Variants in SV2C observed in about 807,000 individuals in gnomAD.
SV2C encodes solute carrier family 22 member B3.
Under a neutral mutation model 79.7 loss-of-function variants are expected in SV2C, and 49 were observed. The observed-to-expected ratio is 0.61, with a 90% CI of 0.49 to 0.78. SV2C has a LOEUF of 0.78. SV2C is among the 30% of genes least tolerant of loss of function. SV2C has a pLI of 0.00. For missense variants in SV2C, 833 were observed against 912.9 expected (o/e 0.91, Z 1.13); for synonymous variants, 334 against 333.2 (o/e 1.00, Z -0.03).
chr5:76,213,983 G>A (rs558212640), intron 4 of SV2C, among the ~76,000 whole-genome samples: 1 of 152,152 alleles, frequency 6.6e-6, no homozygotes, highest in Admixed American at 6.5e-5. Context: ...TTTCATGTCT[G>A]GCCTATTTCA....
intron 12 of SV2C, among the ~76,000 whole-genome samples, chr5:76,312,530 G>T (rs1264409911): frequency 6.6e-6 from 1 of 152,208 alleles, no homozygotes; most frequent in African/African-American, 2.4e-5. Flanking sequence ...TGGGATTACA[G>T]ACATGAGCCA....
the SV2C span, among the ~76,000 whole-genome samples, chr5:76,033,468 C>A: frequency 6.6e-6 from 1 of 152,206 alleles, no homozygotes; most frequent in South Asian, 2.1e-4. Flanking sequence ...CTACATATGG[C>A]TAGCCAGTTT....
At chr5:76,049,579 G>T in the SV2C span, among the ~76,000 whole-genome samples, 2 of 152,158 alleles carry the variant, frequency 1.3e-5, no homozygotes, top group South Asian at 4.1e-4. Flanking sequence ...GCTAGAAGTA[G>T]GTGCCCCCAA....
Position 76,333,905 on chromosome 5 carries a change from T to C in SV2C, c.*8358T>C, listed in dbSNP as rs778887063. ...AACAGCTGCAAAGATATTTAGTGTA[T>C]ATCAGATTAATAAAAGAGCATTTTT... On this transcript the variant is annotated 3_prime_UTR_variant, in exon 13 of 13. Transcript: ENST00000502798. The C allele has an allele frequency of 1.4e-5, 2 of 140,288 alleles. No individual in the cohort carries two copies. The highest frequency in any genetic ancestry group is 3.1e-5 in the Non-Finnish European group (2 of 65,266). 8.7% of individuals were successfully genotyped at this position (140,288 alleles called of 1,614,324 possible).
intron 2 of SV2C, among the ~76,000 whole-genome samples, chr5:76,168,027 T>C (rs1356319709): frequency 6.6e-6 from 1 of 152,046 alleles, no homozygotes; most frequent in Non-Finnish European, 1.5e-5. Flanking sequence ...CGTTTGTAAA[T>C]CCTGGTTAGG....
chr5:75,999,019 C>T, the SV2C span, among the ~76,000 whole-genome samples: 1 of 152,006 alleles, frequency 6.6e-6, no homozygotes, highest in Non-Finnish European at 1.5e-5. Context: ...TGGCAGAAGG[C>T]AAGGAGGAGC....
intron 2 of SV2C, among the ~76,000 whole-genome samples, chr5:76,155,369 C>T (rs1010446406): frequency 1.3e-5 from 2 of 152,166 alleles, no homozygotes; most frequent in African/African-American, 4.8e-5. Flanking sequence ...TGAAGCAAGA[C>T]CTCCACTTTT....
At chr5:76,145,522 G>C (rs1189115682) in intron 2 of SV2C, among the ~76,000 whole-genome samples, 1 of 152,182 alleles carries the variant, frequency 6.6e-6, no homozygotes, top group African/African-American at 2.4e-5. Flanking sequence ...CCTTGAGAGG[G>C]ATTTGCTGAA....
intron 4 of SV2C, 74 bp from the exon 5 acceptor site, chr5:76,285,088 G>C: frequency 6.3e-7 from 1 of 1,582,582 alleles, no homozygotes; most frequent in Non-Finnish European, 8.6e-7. Flanking sequence ...CCATGGTTCG[G>C]GCATCCCGGG....
chr5:76,194,384 A>C (rs765763038), intron 2 of SV2C, among the ~76,000 whole-genome samples: 3 of 152,220 alleles, frequency 2.0e-5, no homozygotes, highest in Non-Finnish European at 4.4e-5. Flanking sequence ...GAGATCTGCT[A>C]CATAGGCATT....
chr5:75,984,567 A>ATCTATC, the SV2C span, among the ~76,000 whole-genome samples: 2,670 of 102,840 alleles, frequency 0.026, 33 homozygotes, highest in Middle Eastern at 0.06. Flanking sequence ...CTATCTATCT[A>ATCTATC]TATCTATCTA....
the SV2C span, among the ~76,000 whole-genome samples, chr5:75,856,815 C>A: frequency 1.3e-5 from 2 of 152,058 alleles, no homozygotes; most frequent in African/African-American, 4.8e-5. Context: ...TCCCATTTAT[C>A]AATTTTTGCT....
intron 1 of SV2C, among the ~76,000 whole-genome samples, chr5:76,120,864 G>A (rs1256585077): frequency 0.016 from 2,458 of 150,144 alleles, 63 homozygotes; most frequent in African/African-American, 0.049. Flanking sequence ...ATGATTTATA[G>A]TCCTTTGGGT....
chr5:76,238,117 T>C (rs930028435), intron 4 of SV2C, among the ~76,000 whole-genome samples: 4 of 151,926 alleles, frequency 2.6e-5, no homozygotes, highest in Non-Finnish European at 5.9e-5. Context: ...CTTTCTGGAA[T>C]GTCCGTCTAA....
chr5:75,935,396 A>G, the SV2C span, among the ~76,000 whole-genome samples: 1 of 152,338 alleles, frequency 6.6e-6, no homozygotes, highest in Non-Finnish European at 1.5e-5. Flanking sequence ...ACTTGGAATT[A>G]GCTCTGAAAG....
At chr5:76,341,208 G>C (rs1050990341) in intron 12 of SV2C, among the ~76,000 whole-genome samples, 3 of 152,092 alleles carry the variant, frequency 2.0e-5, no homozygotes, top group Non-Finnish European at 4.4e-5. Context: ...TGGGATTACA[G>C]ATGTGAGCCA....
chr5:75,945,697 C>A, the SV2C span, among the ~76,000 whole-genome samples: 2 of 151,832 alleles, frequency 1.3e-5, no homozygotes, highest in Non-Finnish European at 2.9e-5. Context: ...CAAACCTTGA[C>A]AAATTAAAGA....
intron 1 of SV2C, among the ~76,000 whole-genome samples, chr5:76,120,518 TC>T (rs1748451626): frequency 1.6e-5 from 1 of 63,028 alleles, no homozygotes; most frequent in Admixed American, 2.1e-4. Context: ...CCCTCCCCCC[TC>T]CCCCCACCCC....
the SV2C span, among the ~76,000 whole-genome samples, chr5:75,996,003 A>G: frequency 1.2e-4 from 18 of 152,314 alleles, no homozygotes; most frequent in African/African-American, 4.3e-4. Flanking sequence ...TATGAGAGTG[A>G]GGAGTCAGGC....
Sources: allele counts gnomAD v4.1 joint callset (sites outside exome capture counted in the v4.1 genomes callset), GRCh38; gene constraint gnomAD v4.1.1; transcripts MANE v1.5; gene names NCBI Gene and HGNC (gene_info 2026-07-23, HGNC 2026-07-21).